The following MED17 variants were observed in gnomAD, a reference collection of about 807,000 sequenced individuals.
MED17 encodes mediator complex subunit 17, also known as mediator of RNA polymerase II transcription subunit 17.
A neutral mutation model predicts 80.8 loss-of-function variants in MED17; 49 were observed. The observed-to-expected ratio is 0.61, with a 90% CI of 0.48 to 0.77. MED17 has a LOEUF of 0.77. Ranked by LOEUF, MED17 falls within the 30% of genes least tolerant of loss-of-function variation. The pLI is 0.00. For synonymous variants in MED17, 281 were observed against 280.4 expected, an observed-to-expected ratio of 1.00 and a Z score of -0.02; for missense variants, 718 against 787.0, an observed-to-expected ratio of 0.91 and a Z score of 1.05.
intron 10 of MED17, chr11:93,808,146 T>A (rs1944045598): frequency 5.7e-6 from 1 of 175,962 alleles, no homozygotes; most frequent in African/African-American, 2.4e-5. Context: ...AGAGTATCAC[T>A]TCAGGTTGGG....
intron 7 of MED17, 122 bp downstream of exon 7, chr11:93,796,662 A>G (rs1452604041): frequency 8.8e-7 from 1 of 1,139,288 alleles, no homozygotes; most frequent in East Asian, 2.4e-5. Context: ...TCACTGTCTG[A>G]TGTGAAAGAT....
chr11:93,788,330 C>G, intron 2 of MED17, 163 bp downstream of exon 2: 1 of 618,238 alleles, frequency 1.6e-6, no homozygotes, highest in South Asian at 2.0e-5. Flanking sequence ...ACTGCATTTC[C>G]TTTATTTTTT....
intron 6 of MED17, 120 bp downstream of exon 6, chr11:93,795,180 T>G: frequency 9.0e-7 from 1 of 1,114,624 alleles, no homozygotes; most frequent in Non-Finnish European, 1.4e-6. Context: ...TAGTGTGCTA[T>G]CCATAGTGAC....
In MED17 at chr11:93,801,854, A is replaced by G; in HGVS notation, c.1348A>G (p.Ser450Gly). ...LRSRAAATID[S>G]LASRIEDPQI... is the part of the protein sequence containing the mutation. ...TAAAAGAGCTGCTGCAACCATTGACAGCTTAGCAAGCCGAATTGAGGATCC... is the reference window on the plus strand; with the variant it reads ...TAAAAGAGCTGCTGCAACCATTGACGGCTTAGCAAGCCGAATTGAGGATCC... The change falls in exon 9 of 12, where the codon AGC (serine) becomes GGC (glycine). Residue 450 changes from serine (S) to glycine (G), a missense_variant. Physicochemically the swap from Ser to Gly is moderately conservative, Grantham distance 56. Coordinates refer to ENST00000251871, the MANE Select transcript of MED17 (RefSeq NM_004268.5). 2 of 1,613,636 alleles carry G rather than the reference A, an allele frequency of 1.2e-6. No homozygotes were observed. Among genetic ancestry groups the G allele is most frequent in the South Asian group, 1.1e-5 (1 of 91,040 alleles).
At chr11:93,808,490 A>G (rs1049478921) in intron 10 of MED17, 2 of 150,320 alleles carry the variant, frequency 1.3e-5, no homozygotes, top group African/African-American at 2.4e-5. Flanking sequence ...ATTTTCCCTA[A>G]TTTCTTCATG....
intron 9 of MED17, among the ~76,000 whole-genome samples, chr11:93,804,016 T>C (rs1565293262): frequency 3.7e-5 from 2 of 54,180 alleles, no homozygotes; most frequent in East Asian, 5.3e-4. Flanking sequence ...TATATATATA[T>C]ATATATATAT....
chr11:93,784,949 A>C, intron 1 of MED17, 186 bp downstream of exon 1: 1 of 801,056 alleles, frequency 1.2e-6, no homozygotes, highest in Middle Eastern at 3.7e-4. Flanking sequence ...ACACGACTTT[A>C]CGTAATACTC....
chr11:93,804,004 T>TATATATATATATATATAC (rs1943994811), intron 9 of MED17, among the ~76,000 whole-genome samples: 1 of 6,548 alleles, frequency 1.5e-4, no homozygotes, highest in African/African-American at 2.1e-4. Context: ...TGTGTGTATA[T>TATATATATATATATATAC]ATATATATAT....
intron 9 of MED17, among the ~76,000 whole-genome samples, chr11:93,803,264 CTTTT>C (rs1241239743): frequency 6.6e-6 from 1 of 152,134 alleles, no homozygotes; most frequent in Non-Finnish European, 1.5e-5. Flanking sequence ...TGTTTTCTTT[CTTTT>C]TGATTTTTCC....
intron 5 of MED17, 164 bp downstream of exon 5, chr11:93,794,199 A>AAT: frequency 3.1e-6 from 1 of 327,724 alleles, no homozygotes; most frequent in Non-Finnish European, 5.5e-6. Flanking sequence ...TAGCTGTGCA[A>AAT]TTTTTTTTTT....
At chr11:93,786,473 G>GT (rs11407248) in intron 1 of MED17, among the ~76,000 whole-genome samples, 19,127 of 146,742 alleles carry the variant, frequency 0.13, 1,245 homozygotes, top group Middle Eastern at 0.18. Context: ...GGTTTGTTTT[G>GT]TTTTTTTTTT....
At chr11:93,801,739 T>C in intron 8 of MED17, 96 bp from the exon 9 acceptor site, 1 of 1,217,078 alleles carries the variant, frequency 8.2e-7, no homozygotes, top group Non-Finnish European at 1.2e-6. Context: ...AAAAAAGTAG[T>C]TAGTTTTAAA....
intron 10 of MED17, chr11:93,807,870 G>A: frequency 1.9e-6 from 1 of 525,104 alleles, no homozygotes; most frequent in East Asian, 3.5e-5. Context: ...TGAAGGACCA[G>A]TTCTGAGACT....
chr11:93,796,413 T>C lies in MED17; in HGVS notation c.1016T>C (p.Leu339Ser). 1 of 1,612,006 alleles carries C rather than the reference T, an allele frequency of 6.2e-7. No homozygotes were observed. The highest frequency in any genetic ancestry group is 8.5e-7 in the Non-Finnish European group (1 of 1,178,276). Residue 339 changes from leucine to serine, a missense_variant, in exon 7 of 12, where the codon TTG becomes TCG. Transcript: ENST00000251871. ...NQIISQPFPSLQLSISLCHSS... is the reference protein window; with the variant it reads ...NQIISQPFPSSQLSISLCHSS... ...TCCTCCTTCTTTTTATAAATAGGCTTGCAGTTATCTATTTCTTTGTGCCAT... is the reference window on the plus strand; with the variant it reads ...TCCTCCTTCTTTTTATAAATAGGCTCGCAGTTATCTATTTCTTTGTGCCAT...
At chr11:93,786,473 G>GTT (rs11407248) in intron 1 of MED17, among the ~76,000 whole-genome samples, 139 of 146,938 alleles carry the variant, frequency 9.5e-4, no homozygotes, top group Non-Finnish European at 1.2e-3. Context: ...GGTTTGTTTT[G>GTT]TTTTTTTTTT....
intron 1 of MED17, 83 bp downstream of exon 1, chr11:93,784,846 G>C: frequency 6.6e-7 from 1 of 1,506,380 alleles, no homozygotes. Context: ...CGATGGGGGT[G>C]ATCTTGTGCG....
At chr11:93,790,262 T>C in intron 2 of MED17, 1 of 478,078 alleles carries the variant, frequency 2.1e-6, no homozygotes, top group Non-Finnish European at 4.1e-6. Context: ...ATGTACAGGA[T>C]AGGGGGCTGG....
rs539982751 is a variant in MED17 at position 93,784,837 on chromosome 11, G to C, written c.250+74G>C. The C allele has an allele frequency of 4.3e-5, 66 of 1,519,608 alleles. No homozygotes were observed. The African/African-American group carries it at 7.8e-4, about 18-fold the overall frequency. 94.1% of individuals were successfully genotyped at this position (1,519,608 alleles called of 1,614,324 possible). On this transcript the variant is annotated intron_variant, in intron 1 of 11. Transcript: ENST00000251871. ...CCGCGCGGGCCTCCGCCTCTCCCGCGATGGGGGTGATCTTGTGCGTGCGAG... is the reference window on the plus strand; with the variant it reads ...CCGCGCGGGCCTCCGCCTCTCCCGCCATGGGGGTGATCTTGTGCGTGCGAG...
intron 6 of MED17, chr11:93,795,375 T>C (rs545175623): frequency 2.2e-5 from 8 of 358,668 alleles, no homozygotes; most frequent in South Asian, 1.7e-4. Flanking sequence ...TTGAGGGAGA[T>C]TTTTTCAGGG....
Sources: gnomAD v4.1 joint callset for allele counts (sites outside exome capture counted in the v4.1 genomes callset) on GRCh38, gnomAD v4.1.1 for gene constraint, MANE v1.5 for transcripts, NCBI Gene and HGNC (gene_info 2026-07-23, HGNC 2026-07-21) for gene names.